The following IGSF10 variants were observed in gnomAD, a reference collection of about 807,000 sequenced individuals.
IGSF10 encodes the protein calvaria mechanical force protein 608.
IGSF10 carries 126 observed loss-of-function variants against 128.2 expected under a neutral mutation model. The ratio of observed to expected loss-of-function variants is 0.98; its 90% CI spans 0.85 to 1.14. The LOEUF is 1.14. IGSF10 is among the 50% of genes most tolerant of loss of function. The pLI is 0.00. For missense variants in IGSF10, 3,295 were observed against 3,149.8 expected, an observed-to-expected ratio of 1.05 and a Z score of -1.10; for synonymous variants, 1,185 against 1,146.2, an observed-to-expected ratio of 1.03 and a Z score of -0.68.
At chr3:151,439,881 G>T (rs921429229) in intron 7 of IGSF10, among the ~76,000 whole-genome samples, 2 of 152,172 alleles carry the variant, frequency 1.3e-5, no homozygotes, top group African/African-American at 4.8e-5. Context: ...TGCTATCAGG[G>T]ATACCTATAT....
the IGSF10 span, among the ~76,000 whole-genome samples, chr3:151,574,413 T>C: frequency 5.9e-5 from 9 of 152,308 alleles, no homozygotes; most frequent in South Asian, 1.9e-3. Context: ...GCTTTGTCTA[T>C]TTCTCTTTAC....
rs1560169368 is a variant in IGSF10 at position 151,437,451 on chromosome 3, G to T, written c.7110C>A (p.Ile2370=). The T allele has an allele frequency of 1.9e-6, 3 of 1,614,172 alleles. No homozygotes were observed. The highest frequency in any genetic ancestry group is 4.5e-5 in the East Asian group (2 of 44,882). Residue 2370 remains isoleucine (I), a synonymous_variant, in exon 8 of 8, where the codon ATC becomes ATA. Transcript: ENST00000282466. ...SVDGNPPPEI[I]WILPNGTRFS... ...ATCGTGTGCCATTTGGTAAAATCCA[G>T]ATTATTTCAGGTGGTGGGTTACCAT...
the IGSF10 span, among the ~76,000 whole-genome samples, chr3:151,548,125 G>A: frequency 2.0e-5 from 3 of 152,100 alleles, no homozygotes; most frequent in Non-Finnish European, 4.4e-5. Flanking sequence ...GGGTAATTTC[G>A]AGGCTAGTTT....
the IGSF10 span, chr3:151,475,781 C>G: frequency 6.6e-6 from 1 of 152,532 alleles, no homozygotes; most frequent in Non-Finnish European, 1.5e-5. Flanking sequence ...TTTACTTTGT[C>G]TGACGTTTTC....
the IGSF10 span, among the ~76,000 whole-genome samples, chr3:151,570,419 TCGC>T: frequency 6.6e-6 from 1 of 152,240 alleles, no homozygotes; most frequent in Non-Finnish European, 1.5e-5. Context: ...TTTTTAATGA[TCGC>T]CATTCTAACC....
chr3:151,448,488 G>A lies in IGSF10; in HGVS notation c.1493C>T (p.Pro498Leu). 1 of 1,614,148 alleles carries A rather than the reference G, an allele frequency of 6.2e-7. No individual in the cohort carries two copies. The highest frequency in any genetic ancestry group is 8.5e-7 in the Non-Finnish European group (1 of 1,180,034). ...GTGTGGGGTGGGGTCTCCTTGGCCT[G>A]GGCAGTTCAGGCCAACGGTTCCACC... is the stretch of plus-strand genomic sequence containing the variant. Reference protein sequence around the residue: ...LVGGTVGLNCPGQGDPTPHVD... With the variant: ...LVGGTVGLNCLGQGDPTPHVD... Residue 498 changes from proline (P) to leucine (L), a missense_variant, in exon 6 of 8, where the codon CCA becomes CTA. Pro to Leu is a moderately conservative substitution (Grantham distance 98). Coordinates refer to ENST00000282466, the MANE Select transcript of IGSF10 (RefSeq NM_178822.5).
chr3:151,543,783 T>C, the IGSF10 span, among the ~76,000 whole-genome samples: 2 of 152,254 alleles, frequency 1.3e-5, no homozygotes, highest in Non-Finnish European at 2.9e-5. Context: ...CCTGGATATC[T>C]GCCTTGGCCT....
At chr3:151,599,966 T>C in the IGSF10 span, among the ~76,000 whole-genome samples, 1 of 152,188 alleles carries the variant, frequency 6.6e-6, no homozygotes, top group African/African-American at 2.4e-5. Flanking sequence ...GGGCTGGATA[T>C]GTATTGATTG....
At chr3:151,577,059 C>T in the IGSF10 span, among the ~76,000 whole-genome samples, 158 of 152,246 alleles carry the variant, frequency 1.0e-3, 1 homozygote, top group African/African-American at 3.6e-3. Flanking sequence ...TGGAGTCTGC[C>T]CTATGACATC....
chr3:151,432,812 A>G (rs1719686766), downstream of IGSF10: 7 of 1,610,440 alleles, frequency 4.3e-6, no homozygotes, highest in Non-Finnish European at 3.4e-6. Context: ...TGAATCTGCA[A>G]GAGGAGAAGA....
chr3:151,539,950 T>A, the IGSF10 span, among the ~76,000 whole-genome samples: 2 of 152,144 alleles, frequency 1.3e-5, no homozygotes, highest in African/African-American at 4.8e-5. Flanking sequence ...GTGAGAGGCT[T>A]CTGACAGAAC....
At chr3:151,545,584 T>C in the IGSF10 span, among the ~76,000 whole-genome samples, 1 of 152,346 alleles carries the variant, frequency 6.6e-6, no homozygotes, top group African/African-American at 2.4e-5. Flanking sequence ...ATAGGGAAAA[T>C]TGGCTCAATT....
chr3:151,520,112 A>G, the IGSF10 span, among the ~76,000 whole-genome samples: 6 of 151,662 alleles, frequency 4.0e-5, no homozygotes, highest in South Asian at 1.2e-3. Flanking sequence ...TTGAAAAAAA[A>G]GTGGTAGCTT....
At chr3:151,610,834 C>T in the IGSF10 span, among the ~76,000 whole-genome samples, 2 of 152,110 alleles carry the variant, frequency 1.3e-5, no homozygotes, top group African/African-American at 4.8e-5. Context: ...GCAAACTTAT[C>T]CTTGTATAGG....
chr3:151,527,888 G>C, the IGSF10 span, among the ~76,000 whole-genome samples: 1 of 152,034 alleles, frequency 6.6e-6, no homozygotes, highest in Non-Finnish European at 1.5e-5. Context: ...GGGAGGTCAA[G>C]GCTACAGTGA....
chr3:151,529,910 T>A, the IGSF10 span, among the ~76,000 whole-genome samples: 1 of 151,808 alleles, frequency 6.6e-6, no homozygotes, highest in African/African-American at 2.4e-5. Flanking sequence ...AACAAACTCC[T>A]CCGAGTTAAA....
At chr3:151,458,373 CAA>C (rs1721900117) in intron 3 of IGSF10, 141 bp downstream of exon 3, 1 of 603,142 alleles carries the variant, frequency 1.7e-6, no homozygotes, top group South Asian at 5.0e-5. Flanking sequence ...CCCCAACAAA[CAA>C]AATTCTCATG....
At chr3:151,463,530 T>TTTTG (rs1722147916), upstream of IGSF10, among the ~76,000 whole-genome samples, 1 of 60,282 alleles carries the variant, frequency 1.7e-5, no homozygotes, top group Admixed American at 1.8e-4. Context: ...CTGGTTTTTT[T>TTTTG]TTTTTTTTTT....
chr3:151,444,482 A>T (rs9825817), intron 6 of IGSF10, among the ~76,000 whole-genome samples: 17 of 151,860 alleles, frequency 1.1e-4, no homozygotes, highest in African/African-American at 3.6e-4. Flanking sequence ...TAATTTATGT[A>T]TTTTTTTAGT....
Sources: allele counts gnomAD v4.1 joint callset (sites outside exome capture counted in the v4.1 genomes callset), GRCh38; gene constraint gnomAD v4.1.1; transcripts MANE v1.5; gene names NCBI Gene and HGNC (gene_info 2026-07-23, HGNC 2026-07-21).